KCND2: variants seen among roughly 807,000 people sequenced by gnomAD.
The protein encoded by KCND2 is potassium voltage-gated channel subfamily D member 2.
A neutral mutation model predicts 54.4 loss-of-function variants in KCND2; 16 were observed. The observed-to-expected ratio is 0.29, with a 90% CI of 0.20 to 0.45. The LOEUF (loss-of-function observed/expected upper bound fraction) is 0.45, where lower values mean the gene tolerates loss of function less well. KCND2 is among the 20% of genes least tolerant of loss of function. The pLI, the probability that KCND2 is intolerant of heterozygous loss-of-function variation, is 1.00. For missense variants in KCND2, 486 were observed against 824.2 expected (o/e 0.59, Z 5.02); for synonymous variants, 317 against 310.7 (o/e 1.02, Z -0.21).
chr7:120,524,999 C>T (rs1791755866), intron 1 of KCND2, among the ~76,000 whole-genome samples: 1 of 152,146 alleles, frequency 6.6e-6, no homozygotes, highest in South Asian at 2.1e-4. Flanking sequence ...CCAATTCAGA[C>T]TTTGCATCTT....
intron 1 of KCND2, among the ~76,000 whole-genome samples, chr7:120,498,730 G>A (rs933514337): frequency 4.6e-5 from 7 of 152,066 alleles, no homozygotes; most frequent in Non-Finnish European, 8.8e-5. Flanking sequence ...AGCCAAGATC[G>A]TGCCACTGCA....
chr7:120,660,418 A>C (rs1338559641), intron 1 of KCND2, among the ~76,000 whole-genome samples: 1 of 152,242 alleles, frequency 6.6e-6, no homozygotes, highest in South Asian at 2.1e-4. Flanking sequence ...ATCTTCAATT[A>C]AGAACGGATC....
At chr7:120,668,812 T>G (rs924479251) in intron 1 of KCND2, among the ~76,000 whole-genome samples, 3 of 152,048 alleles carry the variant, frequency 2.0e-5, no homozygotes, top group African/African-American at 7.2e-5. Flanking sequence ...AACATTAAAA[T>G]TACAGTGCTC....
At chr7:120,508,816 G>C (rs1803068115) in intron 1 of KCND2, among the ~76,000 whole-genome samples, 1 of 151,220 alleles carries the variant, frequency 6.6e-6, no homozygotes, top group Non-Finnish European at 1.5e-5. Context: ...TACCGATGCT[G>C]TCACTGAGGC....
At chr7:120,645,839 GT>G (rs920658300) in intron 1 of KCND2, among the ~76,000 whole-genome samples, 1 of 152,228 alleles carries the variant, frequency 6.6e-6, no homozygotes, top group Non-Finnish European at 1.5e-5. Context: ...CTAATATAGG[GT>G]TTTGTGTTCA....
At chr7:120,550,614 T>C (rs1432914816) in intron 1 of KCND2, among the ~76,000 whole-genome samples, 2 of 152,192 alleles carry the variant, frequency 1.3e-5, no homozygotes, top group African/African-American at 4.8e-5. Context: ...GCCAGCACTT[T>C]GTAGTCAACC....
At position 120,329,699 on chromosome 7, in the gene KCND2, C is replaced by T. The variant is rs144050621; in HGVS notation, c.1115+53952C>T. Among the ~76,000 whole-genome samples, 848 of 152,016 alleles carry T rather than the reference C, an allele frequency of 5.6e-3. 3 individuals are homozygous for T. The highest frequency in any genetic ancestry group is 8.7e-3 in the South Asian group (42 of 4,812). On this transcript the variant is annotated intron_variant, in intron 1 of 5. Coordinates refer to ENST00000331113, the MANE Select transcript of KCND2 (RefSeq NM_012281.3). ...GAACTATTCTTAGCTCCAGAATTTG[C>T]GGTGATTTGATAAAATTCTTTCAAA...
At chr7:120,654,308 A>G (rs574314132) in intron 1 of KCND2, among the ~76,000 whole-genome samples, 1 of 152,340 alleles carries the variant, frequency 6.6e-6, no homozygotes, top group East Asian at 1.9e-4. Flanking sequence ...AACTGGAGAG[A>G]CATAAAATTT....
intron 1 of KCND2, among the ~76,000 whole-genome samples, chr7:120,562,379 A>G (rs1289927135): frequency 6.6e-6 from 1 of 152,244 alleles, no homozygotes; most frequent in East Asian, 1.9e-4. Context: ...AGAATTCAAG[A>G]AAGACAAGGA....
At chr7:120,691,080 G>C (rs746224954) in intron 1 of KCND2, among the ~76,000 whole-genome samples, 11 of 152,170 alleles carry the variant, frequency 7.2e-5, no homozygotes, top group African/African-American at 9.7e-5. Flanking sequence ...TGGGGTCTAT[G>C]AGGAACAGCC....
intron 1 of KCND2, among the ~76,000 whole-genome samples, chr7:120,452,986 G>T (rs1258241621): frequency 6.6e-6 from 1 of 152,102 alleles, no homozygotes; most frequent in Non-Finnish European, 1.5e-5. Flanking sequence ...CTCAAACGGG[G>T]TGCTCCTCAA....
intron 1 of KCND2, among the ~76,000 whole-genome samples, chr7:120,285,003 T>A (rs1799319110): frequency 6.6e-6 from 1 of 152,156 alleles, no homozygotes; most frequent in African/African-American, 2.4e-5. Flanking sequence ...GTAACAAAGA[T>A]AAATAAATTC....
intron 2 of KCND2, among the ~76,000 whole-genome samples, chr7:120,738,254 A>G (rs926850325): frequency 2.6e-5 from 4 of 151,940 alleles, no homozygotes; most frequent in Non-Finnish European, 5.9e-5. Flanking sequence ...GAGCAAAGGA[A>G]CCTGTTTAAC....
At chr7:120,631,662 T>G (rs1291070823) in intron 1 of KCND2, among the ~76,000 whole-genome samples, 1 of 152,150 alleles carries the variant, frequency 6.6e-6, no homozygotes, top group Non-Finnish European at 1.5e-5. Flanking sequence ...TCATTTGAAC[T>G]GCATATTTCA....
At chr7:120,595,645 T>C (rs897664891) in intron 1 of KCND2, among the ~76,000 whole-genome samples, 1 of 146,758 alleles carries the variant, frequency 6.8e-6, no homozygotes, top group African/African-American at 2.5e-5. Context: ...TACCGTGTCA[T>C]TGCTAATATC....
intron 1 of KCND2, among the ~76,000 whole-genome samples, chr7:120,514,476 A>G (rs1399460367): frequency 6.6e-6 from 1 of 152,150 alleles, no homozygotes; most frequent in East Asian, 1.9e-4. Context: ...CCAGATCCTT[A>G]TGGTTTAAAC....
chr7:120,426,236 C>T (rs1801704179), intron 1 of KCND2, among the ~76,000 whole-genome samples: 1 of 152,034 alleles, frequency 6.6e-6, no homozygotes, highest in Admixed American at 6.5e-5. Context: ...ATATATTTTA[C>T]AAACTTTGAC....
chr7:120,534,712 G>A (rs1413956282), intron 1 of KCND2, among the ~76,000 whole-genome samples: 1 of 152,012 alleles, frequency 6.6e-6, no homozygotes, highest in Non-Finnish European at 1.5e-5. Context: ...AGAGTGAGAG[G>A]TACATACGAA....
chr7:120,689,808 T>G (rs764256369), intron 1 of KCND2, among the ~76,000 whole-genome samples: 38 of 152,328 alleles, frequency 2.5e-4, no homozygotes, highest in South Asian at 6.2e-4. Context: ...GGGCAAAGAC[T>G]AAACAACTTT....
Sources: gnomAD v4.1 joint callset for allele counts (sites outside exome capture counted in the v4.1 genomes callset) on GRCh38, gnomAD v4.1.1 for gene constraint, MANE v1.5 for transcripts, NCBI Gene and HGNC (gene_info 2026-07-23, HGNC 2026-07-21) for gene names.